The following ABHD2 variants were observed in gnomAD, a reference collection of about 807,000 sequenced individuals.
ABHD2 encodes the protein abhydrolase domain containing 2, acylglycerol lipase.
Under a neutral mutation model 48.1 loss-of-function variants are expected in ABHD2, and 20 were observed. That is an observed-to-expected ratio of 0.42 (90% confidence interval 0.29 to 0.60). The LOEUF (loss-of-function observed/expected upper bound fraction) is 0.60, where lower values mean the gene tolerates loss of function less well. ABHD2 is among the 20% of genes least tolerant of loss of function. The probability of loss-of-function intolerance (pLI) is 0.24; values close to 1 mark genes in which losing one functional copy is unlikely to be tolerated. For missense variants in ABHD2, 405 were observed against 550.9 expected, an observed-to-expected ratio of 0.74 and a Z score of 2.65; for synonymous variants, 209 against 214.2, an observed-to-expected ratio of 0.98 and a Z score of 0.21.
In ABHD2 at chr15:89,114,439, G is replaced by A. The variant is rs540418820; in HGVS notation, c.-7+615G>A. ...GCTTTCAGGGGATATGACCCCAGGA[G>A]TGAGGAGGAGTGTCACCAGAAGTTA... On this transcript the variant is annotated intron_variant, in intron 2 of 10. Coordinates refer to ENST00000352732, the MANE Select transcript of ABHD2 (RefSeq NM_152924.5). The surrounding 1 kb of genome is among the most constrained non-coding windows in gnomAD (Gnocchi z 4.2). 6.6e-6 allele frequency among the ~76,000 whole-genome samples: 1 copy of A among 152,212 alleles called. No individual in the cohort carries two copies. Among genetic ancestry groups the A allele is most frequent in the East Asian group, 1.9e-4 (1 of 5,178 alleles).
chr15:89,042,771 C>T, the ABHD2 span, among the ~76,000 whole-genome samples: 1 of 151,902 alleles, frequency 6.6e-6, no homozygotes, highest in Non-Finnish European at 1.5e-5. Context: ...CTCAGCCTCC[C>T]AAGTAGCTGG....
chr15:89,106,175 C>G lies in ABHD2; in HGVS notation c.-106-7550C>G, dbSNP rs932001271. 4 of 152,242 alleles carry G rather than the reference C, an allele frequency of 2.6e-5. No individual in the cohort carries two copies. Among genetic ancestry groups the G allele is most frequent in the Non-Finnish European group, 5.9e-5 (4 of 68,110 alleles). 9.4% of individuals were successfully genotyped at this position (152,242 alleles called of 1,614,324 possible). On this transcript the variant is annotated intron_variant, in intron 1 of 10. Transcript: ENST00000352732. The surrounding 1 kb of genome is among the most constrained non-coding windows in gnomAD (Gnocchi z 4.2). Reference sequence around the variant, plus strand: ...CTAAAAATGCAATAAATTAGTGGGGCATGGTGGCACCCACCTGTAATCCCA... The same window carrying G: ...CTAAAAATGCAATAAATTAGTGGGGGATGGTGGCACCCACCTGTAATCCCA...
the ABHD2 span, among the ~76,000 whole-genome samples, chr15:89,050,288 C>G: frequency 4.1e-4 from 62 of 152,170 alleles, no homozygotes; most frequent in African/African-American, 1.4e-3. Flanking sequence ...TGGAATTTGC[C>G]GAGACTCTGG....
chr15:89,135,483 G>A, intron 3 of ABHD2: 1 of 813,832 alleles, frequency 1.2e-6, no homozygotes, highest in Non-Finnish European at 2.0e-6. Context: ...TTTAAAAGGA[G>A]TGAGTTATGT....
chr15:89,190,619 A>C (rs1285412431), intron 8 of ABHD2, among the ~76,000 whole-genome samples: 1 of 152,210 alleles, frequency 6.6e-6, no homozygotes, highest in Non-Finnish European at 1.5e-5. Flanking sequence ...ACATACACTA[A>C]TAATTACTAT....
chr15:89,136,364 C>T (rs532444440), intron 3 of ABHD2: 8 of 522,128 alleles, frequency 1.5e-5, no homozygotes, highest in African/African-American at 9.6e-5. Flanking sequence ...TCTCTGAGCA[C>T]TTCTTAGAAA....
rs2051038225 is a variant in ABHD2, at chr15:89,177,686, G to T, written c.722+1691G>T. Among the ~76,000 whole-genome samples, 1 of 151,986 alleles carries T rather than the reference G, an allele frequency of 6.6e-6. No homozygotes were observed. Among genetic ancestry groups the T allele is most frequent in the Admixed American group, 6.6e-5 (1 of 15,262 alleles). ...TGGACACTGGGGAGTCAGCTGAGAG[G>T]ACATGTGCCTTTATCTTGGTGGGAC... On this transcript the variant is annotated intron_variant, in intron 6 of 10. Transcript: ENST00000352732. The surrounding 1 kb of genome is among the most constrained non-coding windows in gnomAD (Gnocchi z 5.6).
intron 3 of ABHD2, among the ~76,000 whole-genome samples, chr15:89,143,521 G>T (rs1343065137): frequency 6.6e-6 from 1 of 152,118 alleles, no homozygotes; most frequent in Non-Finnish European, 1.5e-5. Context: ...TACAAAATTA[G>T]CTGGGCATAG....
rs1202437969 is a variant in ABHD2 at position 89,137,277 on chromosome 15, G to C, written c.195-14400G>C. Among the ~76,000 whole-genome samples, 2 of 152,314 alleles carry C rather than the reference G, an allele frequency of 1.3e-5. No individual in the cohort carries two copies. The highest frequency in any genetic ancestry group is 3.9e-4 in the East Asian group (2 of 5,186). ...AGGGAGGATGTGACCAGTTCCGCGT[G>C]CTGTTTGTGAACAGGAAGATAGTGG... On this transcript the variant is annotated intron_variant, in intron 3 of 10. Coordinates refer to ENST00000352732, the MANE Select transcript of ABHD2 (RefSeq NM_152924.5). This position sits in a 1 kb window ranked among gnomAD's most constrained non-coding sequence, Gnocchi z 4.8.
chr15:89,178,471 T>C (rs1256853634), intron 6 of ABHD2, among the ~76,000 whole-genome samples: 3 of 152,216 alleles, frequency 2.0e-5, no homozygotes, highest in Non-Finnish European at 4.4e-5. Context: ...CGAGAGTTCA[T>C]GCGTCTGGTA....
intron 1 of ABHD2, among the ~76,000 whole-genome samples, chr15:89,093,068 T>C (rs1472501045): frequency 1.3e-5 from 2 of 152,110 alleles, no homozygotes; most frequent in East Asian, 3.9e-4. Context: ...TTGCCGTCTG[T>C]GCAGAATGTG....
At chr15:89,080,558 G>A in the ABHD2 span, among the ~76,000 whole-genome samples, 2 of 152,172 alleles carry the variant, frequency 1.3e-5, no homozygotes, top group African/African-American at 2.4e-5. Flanking sequence ...GTACAAGACA[G>A]GAGCAATTCA....
rs1450722603 is a variant in ABHD2, at chr15:89,100,226, G to C, written c.-107+11663G>C. 6.6e-6 allele frequency among the ~76,000 whole-genome samples: 1 copy of C among 151,950 alleles called. No homozygotes were observed. The highest frequency in any genetic ancestry group is 1.5e-5 in the Non-Finnish European group (1 of 68,012). ...GGATCTTCCAGCCTTGGTGAATGAA[G>C]TCTCTCCTTTGTCTTCTCTGGTGAG... On this transcript the variant is annotated intron_variant, in intron 1 of 10. Coordinates refer to ENST00000352732, the MANE Select transcript of ABHD2 (RefSeq NM_152924.5). The surrounding 1 kb of genome is among the most constrained non-coding windows in gnomAD (Gnocchi z 4.4).
In ABHD2 at chr15:89,164,733, C is replaced by G. The variant is rs370232799; in HGVS notation, c.538+9199C>G. On this transcript the variant is annotated intron_variant, in intron 5 of 10. Transcript: ENST00000352732. The surrounding 1 kb of genome is among the most constrained non-coding windows in gnomAD (Gnocchi z 5.0). ...CCAGGAGTGCAGTGAGCCAAGATTA[C>G]GCCACTGCACTCCAGCCTAGACGAC... Among the ~76,000 whole-genome samples, 13 of 151,544 alleles carry G rather than the reference C, an allele frequency of 8.6e-5. No homozygotes were observed. The East Asian group carries it at 2.1e-3, about 25-fold the overall frequency.
At chr15:89,131,952 C>T (rs117742324) in intron 3 of ABHD2, among the ~76,000 whole-genome samples, 75 of 151,760 alleles carry the variant, frequency 4.9e-4, no homozygotes, top group Non-Finnish European at 1.1e-3. Context: ...ATGGTAGGGA[C>T]GACTAAAGGA....
At chr15:89,190,271 G>C (rs1180227188) in intron 8 of ABHD2, among the ~76,000 whole-genome samples, 2 of 152,338 alleles carry the variant, frequency 1.3e-5, no homozygotes, top group Non-Finnish European at 2.9e-5. Context: ...CGGAGCTCCA[G>C]ATTGAACCTT....
At chr15:89,170,411 T>A in intron 5 of ABHD2, among the ~76,000 whole-genome samples, 1 of 152,018 alleles carries the variant, frequency 6.6e-6, no homozygotes, top group East Asian at 1.9e-4. Flanking sequence ...TCATCCTTTT[T>A]CACCACAGTG....
intron 5 of ABHD2, among the ~76,000 whole-genome samples, chr15:89,161,779 T>C (rs2050765803): frequency 1.3e-5 from 2 of 152,234 alleles, no homozygotes; most frequent in South Asian, 4.1e-4. Context: ...ATCACTAAGA[T>C]ACACAGGCTC....
At chr15:89,172,001 C>T (rs1444993663) in intron 5 of ABHD2, among the ~76,000 whole-genome samples, 1 of 147,506 alleles carries the variant, frequency 6.8e-6, no homozygotes, top group African/African-American at 2.6e-5. Flanking sequence ...CCATTTAATA[C>T]CCTATAATAA....
Sources: gnomAD v4.1 joint callset for allele counts (sites outside exome capture counted in the v4.1 genomes callset) on GRCh38, gnomAD v4.1.1 for gene constraint, Gnocchi (gnomAD v3.1) non-coding constraint, MANE v1.5 for transcripts, NCBI Gene and HGNC (gene_info 2026-07-23, HGNC 2026-07-21) for gene names.